Variants in DSCAML1 observed in about 807,000 individuals in gnomAD.
DSCAML1 encodes cell adhesion molecule DSCAML1.
Under a neutral mutation model 200.5 loss-of-function variants are expected in DSCAML1, and 38 were observed. The ratio of observed to expected loss-of-function variants is 0.19; its 90% CI spans 0.15 to 0.25. The LOEUF is 0.25. Among genes scored for constraint, DSCAML1 ranks in the 10% least tolerant of loss-of-function variants. The pLI is 1.00. For missense variants in DSCAML1, 2,223 were observed against 2,858.8 expected, an observed-to-expected ratio of 0.78 and a Z score of 5.07; for synonymous variants, 1,215 against 1,165.0, an observed-to-expected ratio of 1.04 and a Z score of -0.87.
intron 3 of DSCAML1, among the ~76,000 whole-genome samples, chr11:117,654,403 C>T (rs962489340): frequency 3.9e-5 from 6 of 152,222 alleles, no homozygotes; most frequent in African/African-American, 1.2e-4. Context: ...GAACATCTGA[C>T]TATTCCTGGA....
At chr11:117,676,025 C>T (rs1378243259) in intron 3 of DSCAML1, among the ~76,000 whole-genome samples, 1 of 152,146 alleles carries the variant, frequency 6.6e-6, no homozygotes, top group Non-Finnish European at 1.5e-5. Flanking sequence ...TTTCGAGCTG[C>T]AGTTCTGCTA....
intron 11 of DSCAML1, among the ~76,000 whole-genome samples, chr11:117,497,940 G>A (rs976517157): frequency 2.0e-5 from 3 of 152,216 alleles, no homozygotes; most frequent in Non-Finnish European, 4.4e-5. Context: ...TCCCCCACTC[G>A]CCCAATCAGG....
intron 3 of DSCAML1, among the ~76,000 whole-genome samples, chr11:117,707,949 G>A (rs2053783399): frequency 6.6e-6 from 1 of 152,182 alleles, no homozygotes; most frequent in South Asian, 2.1e-4. Flanking sequence ...ATCCCTCAGA[G>A]GTTGAAGCAG....
Position 117,430,767 on chromosome 11 carries a change from G to T in DSCAML1, c.5641C>A (p.Arg1881=), listed in dbSNP as rs138436571. The change falls in exon 32 of 33, where the codon CGG becomes AGG. Residue 1881 remains arginine (R), a synonymous_variant. Transcript: ENST00000651296. ...ASPPKPQDAD[R]GKNVAVPIPH... ...ATGGGCACAGCCACGTTTTTGCCCC[G>T]GTCCGCATCCTGGGGCTTGGGTGGT... is the stretch of plus-strand genomic sequence containing the variant. 1 of 1,613,932 alleles carries T rather than the reference G, an allele frequency of 6.2e-7. No individual in the cohort carries two copies. Among genetic ancestry groups the T allele is most frequent in the Non-Finnish European group, 8.5e-7 (1 of 1,180,010 alleles).
chr11:117,479,919 A>G lies in DSCAML1; in HGVS notation c.2785+524T>C, dbSNP rs546470496. 2.0e-5 allele frequency among the ~76,000 whole-genome samples: 3 copies of G among 152,276 alleles called. No individual in the cohort carries two copies. The East Asian group carries it at 5.8e-4, about 29-fold the overall frequency. ...CGCGTCAGCCTGCCAAAGTGTTGGG[A>G]TTACAGGTATGAGCCACTGCGCCCA... On this transcript the variant is annotated intron_variant, in intron 14 of 32. Coordinates refer to ENST00000651296, the MANE Select transcript of DSCAML1 (RefSeq NM_020693.4).
intron 20 of DSCAML1, among the ~76,000 whole-genome samples, chr11:117,444,858 C>A (rs1257440784): frequency 6.6e-6 from 1 of 152,072 alleles, no homozygotes; most frequent in East Asian, 1.9e-4. Context: ...TTCCCTGGCA[C>A]GGGCGGGATG....
At chr11:117,662,663 C>T (rs12279117) in intron 3 of DSCAML1, among the ~76,000 whole-genome samples, 1 of 152,230 alleles carries the variant, frequency 6.6e-6, no homozygotes, top group East Asian at 1.9e-4. Context: ...GGACAGTATT[C>T]AATTACACAG....
chr11:117,435,436 C>A (rs926196951), intron 27 of DSCAML1, among the ~76,000 whole-genome samples: 3 of 152,242 alleles, frequency 2.0e-5, no homozygotes, highest in African/African-American at 7.2e-5. Context: ...CTGGGGCAGG[C>A]ACAAAGTCTT....
At chr11:117,792,446 G>A (rs1046173225) in intron 1 of DSCAML1, among the ~76,000 whole-genome samples, 4 of 151,916 alleles carry the variant, frequency 2.6e-5, no homozygotes, top group Non-Finnish European at 5.9e-5. Flanking sequence ...CTCTTGACAC[G>A]CCCTTCCCTC....
In DSCAML1 at chr11:117,505,569, T is replaced by C; in HGVS notation, c.1947A>G (p.Glu649=). The C allele has an allele frequency of 6.2e-7, 1 of 1,613,720 alleles. No individual in the cohort carries two copies. The highest frequency in any genetic ancestry group is 8.5e-7 in the Non-Finnish European group (1 of 1,180,008). The stretch of plus-strand genomic sequence containing the variant: ...TAGAGATCTGCAGGGAGCTCATGAA[T>C]TCCTTGCTCTCGATGGTCACGCCCG... ...SGSGVTIESK[E]FMSSLQISSV... The change falls in exon 9 of 33, where the codon GAA becomes GAG. Residue 649 remains glutamate (E), a synonymous_variant. Transcript: ENST00000651296. This position sits in a 1 kb window ranked among gnomAD's most constrained non-coding sequence, Gnocchi z 6.7.
At chr11:117,605,378 C>T (rs377314463) in intron 3 of DSCAML1, among the ~76,000 whole-genome samples, 2 of 152,182 alleles carry the variant, frequency 1.3e-5, no homozygotes, top group South Asian at 2.1e-4. Context: ...ATCCTCTACC[C>T]CAAGCTCTGG....
At chr11:117,634,122 G>T (rs902857743) in intron 3 of DSCAML1, among the ~76,000 whole-genome samples, 2 of 152,190 alleles carry the variant, frequency 1.3e-5, no homozygotes, top group African/African-American at 4.8e-5. Context: ...TCCCGACCCA[G>T]GGCAGAGGGG....
At chr11:117,558,905 G>C (rs2050606863) in intron 3 of DSCAML1, among the ~76,000 whole-genome samples, 1 of 152,168 alleles carries the variant, frequency 6.6e-6, no homozygotes. Flanking sequence ...GTTTTGGTCA[G>C]GGGTTAATTT....
At chr11:117,651,131 C>G (rs545201156) in intron 3 of DSCAML1, among the ~76,000 whole-genome samples, 2 of 152,388 alleles carry the variant, frequency 1.3e-5, no homozygotes, top group African/African-American at 4.8e-5. Flanking sequence ...TTGACCGAAG[C>G]CTCAATCCAG....
In DSCAML1 at chr11:117,428,646, A is replaced by T. The variant is rs766028547; in HGVS notation, c.5844T>A (p.Pro1948=). The change falls in exon 33 of 33, where the codon CCT becomes CCA. Residue 1948 remains proline (P), a synonymous_variant. Coordinates refer to ENST00000651296, the MANE Select transcript of DSCAML1 (RefSeq NM_020693.4). The stretch of plus-strand genomic sequence containing the variant: ...GGGGAAGGCCCAAGGACTTGCTGGC[A>T]GGGTCCAGGGTCAGGTGGCGAGCCT... The part of the protein sequence containing the change: ...HTQARHLTLD[P]ASKSLGLPHP... 27 of 1,611,396 alleles carry T rather than the reference A, an allele frequency of 1.7e-5. No individual in the cohort carries two copies. Among genetic ancestry groups the T allele is most frequent in the Middle Eastern group, 3.3e-4 (2 of 6,026 alleles).
chr11:117,670,525 T>C (rs1383060757), intron 3 of DSCAML1, among the ~76,000 whole-genome samples: 1 of 151,722 alleles, frequency 6.6e-6, no homozygotes, highest in African/African-American at 2.4e-5. Context: ...CCTTGGAAGG[T>C]TTTGAAACAA....
rs2052813703 is a variant in DSCAML1, at chr11:117,660,084, C to T, written c.511+116707G>A. Among the ~76,000 whole-genome samples, 4 of 152,198 alleles carry T rather than the reference C, an allele frequency of 2.6e-5. No homozygotes were observed. In the South Asian group the frequency reaches 8.3e-4, roughly 31 times the overall value. On this transcript the variant is annotated intron_variant, in intron 3 of 32. Coordinates refer to ENST00000651296, the MANE Select transcript of DSCAML1 (RefSeq NM_020693.4). ...GCCAGTTCTCTCTTTTCATATCATC[C>T]TTTCCATTTCTTCCTCTCTCTCCTG... is the stretch of plus-strand genomic sequence containing the variant.
intron 3 of DSCAML1, chr11:117,611,964 GT>G (rs2051703149): frequency 6.6e-6 from 1 of 152,278 alleles, no homozygotes; most frequent in African/African-American, 2.4e-5. Context: ...TGTCTATGGA[GT>G]TTTCTGTCCT....
intron 3 of DSCAML1, among the ~76,000 whole-genome samples, chr11:117,761,879 A>T (rs2054809948): frequency 6.6e-6 from 1 of 152,186 alleles, no homozygotes; most frequent in Admixed American, 6.5e-5. Flanking sequence ...TATAAAAGAG[A>T]AAACACAAAA....
Sources: gnomAD v4.1 joint callset for allele counts (sites outside exome capture counted in the v4.1 genomes callset) on GRCh38, gnomAD v4.1.1 for gene constraint, Gnocchi (gnomAD v3.1) non-coding constraint, MANE v1.5 for transcripts, NCBI Gene and HGNC (gene_info 2026-07-23, HGNC 2026-07-21) for gene names.